Variants in ESRRB observed in about 807,000 individuals in gnomAD.
The protein encoded by ESRRB is steroid hormone receptor ERR2.
ESRRB carries 16 observed loss-of-function variants against 46.0 expected under a neutral mutation model. The ratio of observed to expected loss-of-function variants is 0.35; its 90% CI spans 0.24 to 0.53. ESRRB has a LOEUF of 0.53. ESRRB is among the 20% of genes least tolerant of loss of function. The probability of loss-of-function intolerance (pLI) is 0.93; values close to 1 mark genes in which losing one functional copy is unlikely to be tolerated. For missense variants in ESRRB, 488 were observed against 607.4 expected, an observed-to-expected ratio of 0.80 and a Z score of 2.07; for synonymous variants, 246 against 259.6, an observed-to-expected ratio of 0.95 and a Z score of 0.50.
chr14:76,462,427 A>T (rs1888905029), intron 2 of ESRRB, 118 bp from the exon 3 acceptor site: 2 of 740,924 alleles, frequency 2.7e-6, no homozygotes, highest in Admixed American at 4.1e-5. Flanking sequence ...TGCTTTGAGA[A>T]CACTAGGGGG....
chr14:76,343,650 A>G (rs1241934039), intron 1 of ESRRB, among the ~76,000 whole-genome samples: 1 of 152,212 alleles, frequency 6.6e-6, no homozygotes, highest in Non-Finnish European at 1.5e-5. Context: ...GGGCCCCTCC[A>G]CGGGGCTGCT....
At chr14:76,439,815 G>C (rs61413504) in intron 2 of ESRRB, 65 bp downstream of exon 2, 1 of 1,552,506 alleles carries the variant, frequency 6.4e-7, no homozygotes, top group Non-Finnish European at 8.8e-7. Context: ...CTGCGGGTCT[G>C]GCAGAAGCCC....
At chr14:76,327,967 G>C (rs561101380) in intron 1 of ESRRB, among the ~76,000 whole-genome samples, 1 of 151,952 alleles carries the variant, frequency 6.6e-6, no homozygotes, top group African/African-American at 2.4e-5. Context: ...ACCCACCTCG[G>C]CCTCCCAAAG....
chr14:76,444,400 GA>G (rs1179046190), intron 2 of ESRRB, among the ~76,000 whole-genome samples: 1 of 152,116 alleles, frequency 6.6e-6, no homozygotes, highest in Non-Finnish European at 1.5e-5. Context: ...ACAGACAGGA[GA>G]AAAATGACCT....
At chr14:76,476,182 C>G (rs761635331) in intron 3 of ESRRB, among the ~76,000 whole-genome samples, 8 of 151,756 alleles carry the variant, frequency 5.3e-5, no homozygotes, top group Non-Finnish European at 8.8e-5. Flanking sequence ...TCATGTATTC[C>G]AGGGATTATC....
At chr14:76,315,315 G>A (rs992144477) in intron 1 of ESRRB, among the ~76,000 whole-genome samples, 1 of 152,066 alleles carries the variant, frequency 6.6e-6, no homozygotes, top group African/African-American at 2.4e-5. Flanking sequence ...GAGCTCCACC[G>A]AGGAGAGTCC....
intron 1 of ESRRB, among the ~76,000 whole-genome samples, chr14:76,437,889 G>T (rs754636377): frequency 5.9e-5 from 9 of 152,214 alleles, no homozygotes; most frequent in Non-Finnish European, 1.2e-4. Context: ...AGCATGGCCG[G>T]GGTGGAGGGG....
intron 1 of ESRRB, among the ~76,000 whole-genome samples, chr14:76,326,162 T>C (rs755212): frequency 0.77 from 117,142 of 152,072 alleles, 45,614 homozygotes; most frequent in South Asian, 0.88. Context: ...CTTGTATACC[T>C]GCTCAGAATG....
At chr14:76,402,614 T>G (rs1014161574) in intron 1 of ESRRB, among the ~76,000 whole-genome samples, 1 of 152,210 alleles carries the variant, frequency 6.6e-6, no homozygotes, top group Admixed American at 6.5e-5. Context: ...TGTGGTGCAT[T>G]TTGAGGCTTC....
At chr14:76,340,323 G>A (rs982342109) in intron 1 of ESRRB, among the ~76,000 whole-genome samples, 5 of 152,180 alleles carry the variant, frequency 3.3e-5, no homozygotes, top group Non-Finnish European at 5.9e-5. Context: ...CTGTGCCCCC[G>A]GCCCATGCTC....
chr14:76,397,123 C>T lies in ESRRB; in HGVS notation c.50+20672C>T, dbSNP rs556471235. Among the ~76,000 whole-genome samples, 7 of 152,358 alleles carry T rather than the reference C, an allele frequency of 4.6e-5. No homozygotes were observed. The South Asian group carries it at 1.2e-3, about 27-fold the overall frequency. ...CTGTGTGTCTTCTGACACCAATTCCCCTAGTCGGGACACATCAAAGAGAGT... is the reference window on the plus strand; with the variant it reads ...CTGTGTGTCTTCTGACACCAATTCCTCTAGTCGGGACACATCAAAGAGAGT... On this transcript the variant is annotated intron_variant, in intron 1 of 6. Coordinates refer to ENST00000644823, the MANE Select transcript of ESRRB (RefSeq NM_001379180.1).
At chr14:76,469,835 T>TA (rs1247852241) in intron 3 of ESRRB, among the ~76,000 whole-genome samples, 2 of 151,496 alleles carry the variant, frequency 1.3e-5, no homozygotes, top group Non-Finnish European at 1.5e-5. Context: ...CCCCTTTCTT[T>TA]AAAAAAACTT....
chr14:76,324,966 T>TC (rs1326112898), intron 1 of ESRRB, among the ~76,000 whole-genome samples: 127 of 102,934 alleles, frequency 1.2e-3, no homozygotes, highest in African/African-American at 3.8e-3. Context: ...TCTTTTTCTT[T>TC]TTTTTTTTTT....
intron 1 of ESRRB, among the ~76,000 whole-genome samples, chr14:76,438,700 T>C (rs1419844597): frequency 6.6e-6 from 1 of 152,102 alleles, no homozygotes; most frequent in Non-Finnish European, 1.5e-5. Context: ...TGTGTATTAT[T>C]GTTATGCAGG....
intron 1 of ESRRB, among the ~76,000 whole-genome samples, chr14:76,360,915 G>A (rs1884454926): frequency 6.6e-6 from 1 of 152,190 alleles, no homozygotes; most frequent in Admixed American, 6.5e-5. Flanking sequence ...CAGACAGAGA[G>A]GAGGGATTAT....
chr14:76,402,257 C>T (rs1448365224), intron 1 of ESRRB, among the ~76,000 whole-genome samples: 4 of 152,180 alleles, frequency 2.6e-5, no homozygotes, highest in Non-Finnish European at 4.4e-5. Flanking sequence ...CTCCATGGCC[C>T]GGTCAAGTTG....
chr14:76,342,076 G>A (rs1884197934), intron 1 of ESRRB, among the ~76,000 whole-genome samples: 1 of 152,218 alleles, frequency 6.6e-6, no homozygotes. Flanking sequence ...GGTGGCAGCA[G>A]TGATGCGGGT....
intron 1 of ESRRB, among the ~76,000 whole-genome samples, chr14:76,327,939 C>T (rs1253341230): frequency 6.6e-6 from 1 of 151,996 alleles, no homozygotes; most frequent in Non-Finnish European, 1.5e-5. Context: ...GTCTCGAACT[C>T]CTGACGCCAG....
chr14:76,395,389 C>CA (rs1885634785), intron 1 of ESRRB, among the ~76,000 whole-genome samples: 1 of 152,128 alleles, frequency 6.6e-6, no homozygotes, highest in African/African-American at 2.4e-5. Context: ...TGCAGCGGGG[C>CA]GTGTGGAGGA....
Sources: allele counts gnomAD v4.1 joint callset (sites outside exome capture counted in the v4.1 genomes callset), GRCh38; gene constraint gnomAD v4.1.1; transcripts MANE v1.5; gene names NCBI Gene and HGNC (gene_info 2026-07-23, HGNC 2026-07-21).